MYRIP: variants seen among roughly 807,000 people sequenced by gnomAD.
The protein encoded by MYRIP is myosin VIIA and Rab interacting protein.
Under a neutral mutation model 98.0 loss-of-function variants are expected in MYRIP, and 49 were observed. The ratio of observed to expected loss-of-function variants is 0.50; its 90% CI spans 0.40 to 0.63. The LOEUF (loss-of-function observed/expected upper bound fraction) is 0.63, where lower values mean the gene tolerates loss of function less well. Among genes scored for constraint, MYRIP ranks in the 30% least tolerant of loss-of-function variants. MYRIP has a pLI of 0.00. For missense variants in MYRIP, 1,004 were observed against 1,058.2 expected (o/e 0.95, Z 0.71); for synonymous variants, 404 against 409.5 (o/e 0.99, Z 0.16).
intron 4 of MYRIP, 111 bp downstream of exon 4, chr3:40,151,295 T>C (rs77207751): frequency 0.017 from 20,685 of 1,210,220 alleles, 843 homozygotes; most frequent in South Asian, 0.13. Context: ...ATAAATTTGC[T>C]TAAATATCTG....
At chr3:39,942,961 C>T (rs548416919) in intron 2 of MYRIP, among the ~76,000 whole-genome samples, 2 of 152,168 alleles carry the variant, frequency 1.3e-5, no homozygotes, top group Non-Finnish European at 2.9e-5. Flanking sequence ...ATGACCTCCA[C>T]TTTTAAAAAA....
intron 3 of MYRIP, among the ~76,000 whole-genome samples, chr3:40,141,750 G>A (rs968229163): frequency 6.6e-6 from 1 of 152,132 alleles, no homozygotes; most frequent in Admixed American, 6.6e-5. Flanking sequence ...AAATCAGTTA[G>A]CTGTAAATAT....
At chr3:40,096,020 C>G (rs1354164912) in intron 3 of MYRIP, among the ~76,000 whole-genome samples, 1 of 151,708 alleles carries the variant, frequency 6.6e-6, no homozygotes, top group East Asian at 1.9e-4. Context: ...ACACTCCATA[C>G]CATAACACTC....
intron 2 of MYRIP, among the ~76,000 whole-genome samples, chr3:40,015,522 G>C (rs1197139364): frequency 6.6e-6 from 1 of 152,222 alleles, no homozygotes; most frequent in East Asian, 1.9e-4. Flanking sequence ...GGTCATAGCA[G>C]GGCAATGCCA....
At chr3:40,123,464 G>C (rs918984684) in intron 3 of MYRIP, among the ~76,000 whole-genome samples, 1 of 152,184 alleles carries the variant, frequency 6.6e-6, no homozygotes, top group Non-Finnish European at 1.5e-5. Context: ...CATCCTTCTC[G>C]TTCCCTGTGG....
intron 2 of MYRIP, among the ~76,000 whole-genome samples, chr3:39,937,824 C>T (rs1460166009): frequency 6.6e-6 from 1 of 152,092 alleles, no homozygotes; most frequent in Admixed American, 6.6e-5. Context: ...GAAGAATGAA[C>T]ACTCCACTGA....
In MYRIP at chr3:40,055,549, C is replaced by T. The variant is rs181843699; in HGVS notation, c.332+11278C>T. Reference sequence around the variant, plus strand: ...GAAAAGCCAAAAACATAAAAAGCACCTGTGACTCAGATGTTTGATGACTTC... The same window carrying T: ...GAAAAGCCAAAAACATAAAAAGCACTTGTGACTCAGATGTTTGATGACTTC... On this transcript the variant is annotated intron_variant, in intron 3 of 16. Transcript: ENST00000302541. Among the ~76,000 whole-genome samples, 256 of 152,228 alleles carry T rather than the reference C, an allele frequency of 1.7e-3. 2 individuals are homozygous for T. The highest frequency in any genetic ancestry group is 3.1e-3 in the Non-Finnish European group (209 of 68,012).
intron 4 of MYRIP, among the ~76,000 whole-genome samples, chr3:40,157,628 A>T: frequency 1.4e-5 from 2 of 142,774 alleles, no homozygotes; most frequent in African/African-American, 2.6e-5. Context: ...CTGGTCCTGG[A>T]CTCTTTTTGG....
At chr3:40,021,117 C>T (rs1459821678) in intron 2 of MYRIP, among the ~76,000 whole-genome samples, 33 of 152,130 alleles carry the variant, frequency 2.2e-4, no homozygotes, top group Non-Finnish European at 1.5e-5. Flanking sequence ...GAAGCCTTTA[C>T]CCCCCTTTGC....
chr3:40,203,951 T>C (rs575084030), intron 10 of MYRIP, among the ~76,000 whole-genome samples: 523 of 2,464 alleles, frequency 0.21, 37 homozygotes, highest in African/African-American at 0.37. Context: ...TTATATATAT[T>C]ATATATTATA....
chr3:39,965,089 A>G (rs954998404), intron 2 of MYRIP, among the ~76,000 whole-genome samples: 4 of 152,202 alleles, frequency 2.6e-5, no homozygotes, highest in African/African-American at 9.6e-5. Flanking sequence ...AGCAGTAATA[A>G]TTCTTTATAA....
intron 3 of MYRIP, among the ~76,000 whole-genome samples, chr3:40,116,665 C>A (rs537292591): frequency 6.6e-6 from 1 of 152,158 alleles, no homozygotes; most frequent in Non-Finnish European, 1.5e-5. Flanking sequence ...GTTTAGAACA[C>A]GGCGTCCTTT....
intron 2 of MYRIP, among the ~76,000 whole-genome samples, chr3:40,029,521 A>G (rs949950654): frequency 1.3e-5 from 2 of 152,204 alleles, no homozygotes; most frequent in African/African-American, 4.8e-5. Flanking sequence ...ACAGATGTTT[A>G]TGATATATTG....
At chr3:40,036,129 G>A (rs761917036) in intron 2 of MYRIP, among the ~76,000 whole-genome samples, 5 of 151,496 alleles carry the variant, frequency 3.3e-5, no homozygotes, top group African/African-American at 4.8e-5. Flanking sequence ...TAAAAATGAC[G>A]AAGAGATCCA....
Position 39,866,575 on chromosome 3 carries a change from A to T in MYRIP, c.-30-34212A>T, listed in dbSNP as rs147907879. 8.5e-5 allele frequency among the ~76,000 whole-genome samples: 13 copies of T among 152,214 alleles called. No individual in the cohort carries two copies. In the East Asian group the frequency reaches 2.5e-3, roughly 29 times the overall value. On this transcript the variant is annotated intron_variant, in intron 1 of 16. Coordinates refer to ENST00000302541, the MANE Select transcript of MYRIP (RefSeq NM_015460.4). ...AACCTCCACCTCCCGGGTTCAAGTG[A>T]TTCTCCTGCCTCAGCCTCCTGAGTA...
chr3:39,863,253 A>G (rs1022648720), intron 1 of MYRIP, among the ~76,000 whole-genome samples: 1 of 152,258 alleles, frequency 6.6e-6, no homozygotes, highest in African/African-American at 2.4e-5. Context: ...GAAACAAGAG[A>G]AACAAGAAAA....
At chr3:40,000,128 TAACA>T (rs1321040574) in intron 2 of MYRIP, among the ~76,000 whole-genome samples, 9 of 152,294 alleles carry the variant, frequency 5.9e-5, no homozygotes, top group African/African-American at 2.2e-4. Context: ...TATACCTATG[TAACA>T]AACCTGCACG....
At chr3:39,968,928 T>C (rs1372283884) in intron 2 of MYRIP, among the ~76,000 whole-genome samples, 2 of 152,190 alleles carry the variant, frequency 1.3e-5, no homozygotes, top group African/African-American at 4.8e-5. Context: ...TATGACCATA[T>C]CAATGATATT....
intron 1 of MYRIP, among the ~76,000 whole-genome samples, chr3:39,871,499 C>T (rs976931855): frequency 4.6e-5 from 7 of 152,122 alleles, no homozygotes; most frequent in Admixed American, 3.9e-4. Flanking sequence ...ATTCAGGAGC[C>T]AAACGTCTTC....
Sources: allele counts gnomAD v4.1 joint callset (sites outside exome capture counted in the v4.1 genomes callset), GRCh38; gene constraint gnomAD v4.1.1; transcripts MANE v1.5; gene names NCBI Gene and HGNC (gene_info 2026-07-23, HGNC 2026-07-21).